The following HEBP1 variants were observed in gnomAD, a reference collection of about 807,000 sequenced individuals.
HEBP1 encodes heme-binding protein 1.
A neutral mutation model predicts 20.4 loss-of-function variants in HEBP1; 13 were observed. The ratio of observed to expected loss-of-function variants is 0.64; its 90% CI spans 0.42 to 1.01. HEBP1 has a LOEUF of 1.01. HEBP1 is among the 50% of genes least tolerant of loss of function. HEBP1 has a pLI of 0.00. For synonymous variants in HEBP1, 92 were observed against 90.7 expected (o/e 1.01, Z -0.08); for missense variants, 241 against 247.3 (o/e 0.97, Z 0.17).
At chr12:12,993,063 TG>T (rs1171583994) in intron 1 of HEBP1, among the ~76,000 whole-genome samples, 1 of 152,182 alleles carries the variant, frequency 6.6e-6, no homozygotes, top group African/African-American at 2.4e-5. Flanking sequence ...TTTAAACCTC[TG>T]TTTCTTTTCT....
At position 12,975,156 on chromosome 12, in the gene HEBP1, C is replaced by CT. The variant is rs1180037885; in HGVS notation, c.*151dup. The CT allele has an allele frequency of 3.0e-6, 2 of 667,486 alleles. No individual in the cohort carries two copies. Among genetic ancestry groups the CT allele is most frequent in the Non-Finnish European group, 5.2e-6 (2 of 387,068 alleles). 41.3% of individuals were successfully genotyped at this position (667,486 alleles called of 1,614,324 possible). A position where few individuals can be genotyped will look rare whatever the true frequency, so the allele number is the denominator to read the frequency against. ...AAAGAGACTTAGTATATGGAACATG[C>CT]TTTTTTCAGAAAATTGGCAGTAACT... On this transcript the variant is annotated 3_prime_UTR_variant, in exon 4 of 4. Coordinates refer to ENST00000014930, the MANE Select transcript of HEBP1 (RefSeq NM_015987.5).
At chr12:12,997,420 G>T (rs1244837897) in intron 1 of HEBP1, among the ~76,000 whole-genome samples, 1 of 152,188 alleles carries the variant, frequency 6.6e-6, no homozygotes, top group Admixed American at 6.5e-5. Context: ...GAGACACAGA[G>T]GGAGAATTAC....
rs964905034 is a variant in HEBP1 at position 12,989,343 on chromosome 12, C to G, written c.151G>C (p.Val51Leu). Reference protein sequence around the residue: ...FATVEVTDKPVDEALREAMPK... With the variant: ...FATVEVTDKPLDEALREAMPK... ...ATTGCTTCCCGTAGAGCCTCATCCA[C>G]AGGCTTATCTGTCACTTCTACTGTG... Residue 51 changes from valine to leucine, a missense_variant, in exon 2 of 4, where the codon GTG becomes CTG. Physicochemically the swap from Val to Leu is conservative, Grantham distance 32. Coordinates refer to ENST00000014930, the MANE Select transcript of HEBP1 (RefSeq NM_015987.5). The G allele has an allele frequency of 6.8e-6, 11 of 1,614,104 alleles. No individual in the cohort carries two copies. The African/African-American group carries it at 1.5e-4, about 22-fold the overall frequency.
chr12:12,997,451 C>T (rs1864305256), intron 1 of HEBP1, among the ~76,000 whole-genome samples: 1 of 152,158 alleles, frequency 6.6e-6, no homozygotes, highest in African/African-American at 2.4e-5. Context: ...AGTTCAGATA[C>T]CTAGGTTACT....
Position 13,000,207 on chromosome 12 carries a change from A to AGGGCGGCAGGGCGGCG in HEBP1, c.-94_-93insCGCCGCCCTGCCGCCC. 2 of 362,896 alleles carry AGGGCGGCAGGGCGGCG rather than the reference A, an allele frequency of 5.5e-6. No individual in the cohort carries two copies. The highest frequency in any genetic ancestry group is 9.5e-6 in the Non-Finnish European group (2 of 209,848). 22.5% of individuals were successfully genotyped at this position (362,896 alleles called of 1,614,324 possible). On this transcript the variant is annotated 5_prime_UTR_variant, in exon 1 of 4. Transcript: ENST00000014930. ...CAGCGACCACCGGCGGCAGGGCGGCAGGGCGGCAGGGCGGCAGGGCGGCAG... is the reference window on the plus strand; with the variant it reads ...CAGCGACCACCGGCGGCAGGGCGGCAGGGCGGCAGGGCGGCGGGGCGGCAGGGCGGCAGGGCGGCAG...
chr12:12,992,181 G>A (rs753042054), intron 1 of HEBP1, among the ~76,000 whole-genome samples: 1 of 152,304 alleles, frequency 6.6e-6, no homozygotes, highest in East Asian at 1.9e-4. Context: ...TGAGTGGCAA[G>A]TGTAGTCTCA....
At chr12:12,981,062 A>T (rs1441254665) in intron 3 of HEBP1, among the ~76,000 whole-genome samples, 1 of 152,206 alleles carries the variant, frequency 6.6e-6, no homozygotes. Flanking sequence ...ATACCATGGC[A>T]ATCATTTGTG....
At chr12:12,999,599 T>C (rs1415717872) in intron 1 of HEBP1, among the ~76,000 whole-genome samples, 1 of 152,256 alleles carries the variant, frequency 6.6e-6, no homozygotes, top group African/African-American at 2.4e-5. Flanking sequence ...GGACAAGAGC[T>C]GACCACAGGT....
chr12:12,980,071 C>T (rs1303459296), intron 3 of HEBP1: 1 of 152,248 alleles, frequency 6.6e-6, no homozygotes, highest in Non-Finnish European at 1.5e-5. Context: ...GAAACTTTAA[C>T]ATCAATGGAT....
chr12:12,980,051 A>T (rs1864056725), intron 3 of HEBP1: 1 of 152,252 alleles, frequency 6.6e-6, no homozygotes, highest in African/African-American at 2.4e-5. Context: ...GAGCTTGACC[A>T]TTCAACTTCG....
At position 13,000,208 on chromosome 12, in the gene HEBP1, G is replaced by GGGCGGCAGGGCGGCAA; in HGVS notation, c.-95_-94insTTGCCGCCCTGCCGCC. 1 of 366,982 alleles carries GGGCGGCAGGGCGGCAA rather than the reference G, an allele frequency of 2.7e-6. No homozygotes were observed. Among genetic ancestry groups the GGGCGGCAGGGCGGCAA allele is most frequent in the Non-Finnish European group, 4.7e-6 (1 of 212,406 alleles). 22.7% of individuals were successfully genotyped at this position (366,982 alleles called of 1,614,324 possible). A position where few individuals can be genotyped will look rare whatever the true frequency, so the allele number is the denominator to read the frequency against. Reference sequence around the variant, plus strand: ...AGCGACCACCGGCGGCAGGGCGGCAGGGCGGCAGGGCGGCAGGGCGGCAGG... The same window carrying GGGCGGCAGGGCGGCAA: ...AGCGACCACCGGCGGCAGGGCGGCAGGGCGGCAGGGCGGCAAGGCGGCAGGGCGGCAGGGCGGCAGG... On this transcript the variant is annotated 5_prime_UTR_variant, in exon 1 of 4. Transcript: ENST00000014930.
In HEBP1 at chr12:13,000,248, A is replaced by AG; in HGVS notation, c.-135dup. Reference sequence around the variant, plus strand: ...AGGGCGGCAGGGTGGCAGGGCGGCAAGGCGGCGGGACGGCGAGGCGGCGAG... The same window carrying AG: ...AGGGCGGCAGGGTGGCAGGGCGGCAAGGGCGGCGGGACGGCGAGGCGGCGAG... On this transcript the variant is annotated 5_prime_UTR_variant, in exon 1 of 4. Transcript: ENST00000014930. The AG allele has an allele frequency of 6.5e-6, 1 of 153,168 alleles. No individual in the cohort carries two copies. Among genetic ancestry groups the AG allele is most frequent in the Non-Finnish European group, 1.5e-5 (1 of 68,416 alleles). 9.5% of individuals were successfully genotyped at this position (153,168 alleles called of 1,614,324 possible).
At chr12:12,983,031 A>G (rs557037642) in intron 3 of HEBP1, among the ~76,000 whole-genome samples, 44 of 152,192 alleles carry the variant, frequency 2.9e-4, no homozygotes, top group Non-Finnish European at 4.9e-4. Context: ...CAAAGGTCCT[A>G]TGGCCACTGA....
intron 3 of HEBP1, among the ~76,000 whole-genome samples, chr12:12,985,387 C>T (rs1864138951): frequency 6.6e-6 from 1 of 152,106 alleles, no homozygotes. Context: ...TGGCCTTGAG[C>T]TGATCGTTGC....
chr12:12,987,614 C>CTT (rs1864170015), intron 2 of HEBP1, among the ~76,000 whole-genome samples: 2 of 84,880 alleles, frequency 2.4e-5, no homozygotes, highest in South Asian at 9.0e-4. Context: ...CTCTCTCTTT[C>CTT]TCTCTCTCTC....
chr12:12,992,304 A>T (rs892301761), intron 1 of HEBP1, among the ~76,000 whole-genome samples: 2 of 152,210 alleles, frequency 1.3e-5, no homozygotes, highest in African/African-American at 4.8e-5. Flanking sequence ...CCCAGGTTCA[A>T]GTGATTCTTC....
chr12:12,989,930 T>C (rs900755178), intron 1 of HEBP1, among the ~76,000 whole-genome samples: 2 of 152,154 alleles, frequency 1.3e-5, no homozygotes, highest in Non-Finnish European at 2.9e-5. Context: ...CTTGGCCTCC[T>C]TGGGGGACTG....
rs145821079 is a variant in HEBP1 at position 12,987,590 on chromosome 12, T to TTCTCTCTCTCTCTC, written c.218-272_218-259dup. 4.1e-4 allele frequency among the ~76,000 whole-genome samples: 55 copies of TTCTCTCTCTCTCTC among 133,304 alleles called. No individual in the cohort carries two copies. In the East Asian group the frequency reaches 0.011, roughly 28 times the overall value. The allele number at this position is 133,304 out of a possible 152,430, so 87.5% of individuals were successfully genotyped here. ...TCAAGACTGTAGATTATCAGTCTCT[T>TTCTCTCTCTCTCTC]TCTCTCTCTCTCTCTCTCTCTTTCT... On this transcript the variant is annotated intron_variant, in intron 2 of 3. Coordinates refer to ENST00000014930, the MANE Select transcript of HEBP1 (RefSeq NM_015987.5).
chr12:12,997,324 G>A (rs1002635716), intron 1 of HEBP1, among the ~76,000 whole-genome samples: 4 of 152,230 alleles, frequency 2.6e-5, no homozygotes, highest in Non-Finnish European at 5.9e-5. Context: ...GCACTTCGAT[G>A]CAAGGGATTG....
Sources: gnomAD v4.1 joint callset for allele counts (sites outside exome capture counted in the v4.1 genomes callset) on GRCh38, gnomAD v4.1.1 for gene constraint, MANE v1.5 for transcripts, NCBI Gene and HGNC (gene_info 2026-07-23, HGNC 2026-07-21) for gene names.